ATP11A: variants seen among roughly 807,000 people sequenced by gnomAD.
ATP11A encodes the protein ATPase phospholipid transporting 11A.
ATP11A carries 81 observed loss-of-function variants against 154.4 expected under a neutral mutation model. The ratio of observed to expected loss-of-function variants is 0.52; its 90% confidence interval spans 0.44 to 0.63. The LOEUF is 0.63. Ranked by LOEUF, ATP11A falls within the 30% of genes least tolerant of loss-of-function variation. ATP11A has a pLI of 0.00. For synonymous variants in ATP11A, 623 were observed against 585.9 expected (o/e 1.06, Z -0.91); for missense variants, 1,316 against 1,474.3 (o/e 0.89, Z 1.76).
At chr13:112,729,044 A>G (rs1415528619) in intron 1 of ATP11A, among the ~76,000 whole-genome samples, 4 of 152,180 alleles carry the variant, frequency 2.6e-5, no homozygotes, top group Non-Finnish European at 5.9e-5. Context: ...TAACACATTT[A>G]AAGCAAAGGC....
rs1437550665 is a variant in ATP11A, at chr13:112,875,877, T to G, written c.3263T>G (p.Leu1088Arg). Residue 1088 changes from leucine to arginine, a missense_variant, in exon 28 of 30, where the codon CTT (leucine) becomes CGT (arginine). Transcript: ENST00000375645. The surrounding 1 kb of genome is among the most constrained non-coding windows in gnomAD (Gnocchi z 4.1). ...AIVLLVTISL[L>R]PDVLKKVLCR... ...GTGCTGCTGGTGACCATCAGCCTCC[T>G]TCCCGACGTCCTCAAGAAAGTCCTG... 1.2e-6 allele frequency: 2 copies of G among 1,613,854 alleles called. No individual in the cohort carries two copies. Among genetic ancestry groups the G allele is most frequent in the Non-Finnish European group, 1.7e-6 (2 of 1,180,030 alleles).
At chr13:112,878,338 G>C in intron 29 of ATP11A, 35 bp downstream of exon 29, 1 of 1,605,818 alleles carries the variant, frequency 6.2e-7, no homozygotes, top group Non-Finnish European at 8.5e-7. Context: ...ACCTGGGATG[G>C]TAGACACGGG....
At chr13:112,781,292 C>T (rs1350803311) in intron 1 of ATP11A, among the ~76,000 whole-genome samples, 1 of 152,030 alleles carries the variant, frequency 6.6e-6, no homozygotes, top group African/African-American at 2.4e-5. Flanking sequence ...CGCCTGCCTT[C>T]GCCTCCCAAA....
In ATP11A at chr13:112,819,783, G is replaced by A. The variant is rs1437959488; in HGVS notation, c.675-117G>A. ...GGGCTGGAGCGGGGCTGCTTTAGCC[G>A]CACACGGAGCGGGCCAGGTGAAGAC... On this transcript the variant is annotated intron_variant, in intron 7 of 29. Transcript: ENST00000375645. 31 of 1,056,878 alleles carry A rather than the reference G, an allele frequency of 2.9e-5. 1 individual carries two copies. Among genetic ancestry groups the A allele is most frequent in the Admixed American group, 7.4e-5 (4 of 53,842 alleles). 65.5% of individuals were successfully genotyped at this position (1,056,878 alleles called of 1,614,324 possible). A position where few individuals can be genotyped will look rare whatever the true frequency, so the allele number is the denominator to read the frequency against.
intron 17 of ATP11A, among the ~76,000 whole-genome samples, chr13:112,846,374 G>C (rs978907474): frequency 2.6e-5 from 4 of 152,062 alleles, no homozygotes; most frequent in African/African-American, 9.7e-5. Flanking sequence ...GCCATGTCAC[G>C]AGTTTTTCCC....
intron 13 of ATP11A, 125 bp from the exon 14 acceptor site, chr13:112,832,735 C>A: frequency 2.7e-6 from 3 of 1,094,422 alleles, no homozygotes; most frequent in Non-Finnish European, 4.0e-6. Context: ...TCACCGCCCA[C>A]AAGCTGCCTT....
intron 1 of ATP11A, among the ~76,000 whole-genome samples, chr13:112,714,530 CG>C (rs1888206255): frequency 6.6e-6 from 1 of 152,214 alleles, no homozygotes; most frequent in African/African-American, 2.4e-5. Flanking sequence ...GGAGAGGTGG[CG>C]TCTCCACTCC....
chr13:112,693,264 A>C (rs1885399684), intron 1 of ATP11A, among the ~76,000 whole-genome samples: 1 of 152,132 alleles, frequency 6.6e-6, no homozygotes, highest in South Asian at 2.1e-4. Context: ...GTGTTTGTAT[A>C]CCATGAGGAG....
At chr13:112,758,821 T>C (rs939740635) in intron 1 of ATP11A, among the ~76,000 whole-genome samples, 1 of 152,214 alleles carries the variant, frequency 6.6e-6, no homozygotes, top group African/African-American at 2.4e-5. Flanking sequence ...TCCTGCACAG[T>C]TACATTATCT....
At chr13:112,844,872 AATC>A (rs1187574938) in intron 17 of ATP11A, among the ~76,000 whole-genome samples, 5 of 151,918 alleles carry the variant, frequency 3.3e-5, no homozygotes, top group African/African-American at 4.8e-5. Context: ...TAACAGTACT[AATC>A]AGTCCAGTTG....
intron 1 of ATP11A, among the ~76,000 whole-genome samples, chr13:112,702,247 G>A (rs1886639516): frequency 6.6e-6 from 1 of 151,656 alleles, no homozygotes. Flanking sequence ...TCGGGAGGCT[G>A]AGGCAGGAGA....
intron 1 of ATP11A, among the ~76,000 whole-genome samples, chr13:112,728,371 C>T (rs1241461647): frequency 1.4e-5 from 2 of 145,634 alleles, no homozygotes; most frequent in Admixed American, 6.8e-5. Context: ...TCAGTGTCCA[C>T]GTGTGGAGGG....
At chr13:112,877,032 C>T (rs1480255625) in intron 28 of ATP11A, among the ~76,000 whole-genome samples, 1 of 152,236 alleles carries the variant, frequency 6.6e-6, no homozygotes. Context: ...ATGCCTCCTG[C>T]CACAGTTTGT....
intron 1 of ATP11A, among the ~76,000 whole-genome samples, chr13:112,709,587 C>T (rs549639245): frequency 6.6e-6 from 1 of 152,148 alleles, no homozygotes; most frequent in Non-Finnish European, 1.5e-5. Context: ...CTGAACATTT[C>T]CTTTCTGTCA....
rs899188748 is a variant in ATP11A, at chr13:112,697,531, C to T, written c.39+7076C>T. ...AGCCTGGTGTCCAGAGCCAGAGTTC[C>T]GAGGGCCTCCTCATAGTTTTAAAAC... On this transcript the variant is annotated intron_variant, in intron 1 of 29. Coordinates refer to ENST00000375645, the MANE Select transcript of ATP11A (RefSeq NM_015205.3). This position sits in a 1 kb window ranked among gnomAD's most constrained non-coding sequence, Gnocchi z 4.0. Among the ~76,000 whole-genome samples the T allele has an allele frequency of 3.3e-5, 5 of 152,060 alleles. No individual in the cohort carries two copies. In the East Asian group the frequency reaches 7.7e-4, roughly 23 times the overall value.
chr13:112,881,086 T>C (rs1298628482), intron 29 of ATP11A: 1 of 987,272 alleles, frequency 1.0e-6, no homozygotes, highest in Non-Finnish European at 1.2e-6. Context: ...AGCACATAGC[T>C]TGTCGCCTCT....
At chr13:112,863,664 TC>T (rs2080206739) in intron 25 of ATP11A, among the ~76,000 whole-genome samples, 1 of 137,106 alleles carries the variant, frequency 7.3e-6, no homozygotes, top group African/African-American at 2.8e-5. Context: ...CCCAGCGGGA[TC>T]CATCACCACC....
At chr13:112,851,272 C>T (rs896169043) in intron 18 of ATP11A, 54 bp downstream of exon 18, 18 of 1,562,032 alleles carry the variant, frequency 1.2e-5, no homozygotes, top group Middle Eastern at 1.7e-4. Context: ...TGCAGGCCGA[C>T]GGCCCAGGGC....
intron 4 of ATP11A, among the ~76,000 whole-genome samples, chr13:112,810,020 C>T (rs775817976): frequency 2.6e-5 from 4 of 152,176 alleles, no homozygotes; most frequent in African/African-American, 7.2e-5. Flanking sequence ...ATGTTTCCCG[C>T]GTGGGTTACT....
Sources: gnomAD v4.1 joint callset for allele counts (sites outside exome capture counted in the v4.1 genomes callset) on GRCh38, gnomAD v4.1.1 for gene constraint, Gnocchi (gnomAD v3.1) non-coding constraint, MANE v1.5 for transcripts, NCBI Gene and HGNC (gene_info 2026-07-23, HGNC 2026-07-21) for gene names.